Variants in FREM3 observed in about 807,000 individuals in gnomAD.
FREM3 encodes FRAS1-related extracellular matrix protein 3.
A neutral mutation model predicts 129.1 loss-of-function variants in FREM3; 105 were observed. That is an observed-to-expected ratio of 0.81 (90% CI 0.69 to 0.96). The LOEUF is 0.96. Among genes scored for constraint, FREM3 ranks in the 40% least tolerant of loss-of-function variants. The pLI, the probability that FREM3 is intolerant of heterozygous loss-of-function variation, is 0.00. For missense variants in FREM3, 2,593 were observed against 2,666.3 expected (o/e 0.97, Z 0.61); for synonymous variants, 1,014 against 1,044.9 (o/e 0.97, Z 0.57).
intron 2 of FREM3, among the ~76,000 whole-genome samples, chr4:143,636,750 A>C (rs1194832984): frequency 6.6e-6 from 1 of 152,118 alleles, no homozygotes; most frequent in African/African-American, 2.4e-5. Context: ...ATAAACACAA[A>C]AATAAAAACA....
chr4:143,629,994 G>A (rs972538603), intron 2 of FREM3, among the ~76,000 whole-genome samples: 3 of 152,166 alleles, frequency 2.0e-5, no homozygotes, highest in East Asian at 3.9e-4. Context: ...TTAACAATTA[G>A]AGACAGATAC....
Position 143,699,704 on chromosome 4 carries a change from G to T in FREM3, c.972C>A (p.Ala324=). The stretch of plus-strand genomic sequence containing the variant: ...CCGCGGCCAGTGCGTCAGGCGTCAG[G>T]GCTGTCAGCACCAGTGGATCCACCT... ...MMEVDPLVLT[A]LTPDALAAED... is the part of the protein sequence containing the mutation. The change falls in exon 1 of 8, where the codon GCC becomes GCA. Residue 324 remains alanine (A), a synonymous_variant. Transcript: ENST00000329798. This position sits in a 1 kb window ranked among gnomAD's most constrained non-coding sequence, Gnocchi z 4.2. The T allele has an allele frequency of 6.6e-7, 1 of 1,521,878 alleles. No homozygotes were observed. Among genetic ancestry groups the T allele is most frequent in the Non-Finnish European group, 8.8e-7 (1 of 1,138,090 alleles). The allele number at this position is 1,521,878 out of a possible 1,614,324, so 94.3% of individuals were successfully genotyped here.
At chr4:143,685,700 C>G (rs1417146771) in intron 2 of FREM3, among the ~76,000 whole-genome samples, 1 of 152,202 alleles carries the variant, frequency 6.6e-6, no homozygotes, top group East Asian at 1.9e-4. Context: ...TGTCAATGAT[C>G]TAAATGCTCC....
At chr4:143,615,718 C>A (rs11935761) in intron 5 of FREM3, among the ~76,000 whole-genome samples, 6,045 of 133,958 alleles carry the variant, frequency 0.045, 327 homozygotes, top group African/African-American at 0.18. Context: ...AAAAAAAAAA[C>A]AAAAACCCAA....
chr4:143,582,001 C>T lies in FREM3; in HGVS notation c.6178+3843G>A, dbSNP rs561451298. Among the ~76,000 whole-genome samples the T allele has an allele frequency of 5.9e-5, 9 of 152,224 alleles. No homozygotes were observed. The South Asian group carries it at 1.9e-3, about 32-fold the overall frequency. On this transcript the variant is annotated intron_variant, in intron 7 of 7. Transcript: ENST00000329798. ...CCTCCCTGTGAGCTTCCTGCACTCCCTGCCCATCACCAGGCAGGCCCTCCC... is the reference window on the plus strand; with the variant it reads ...CCTCCCTGTGAGCTTCCTGCACTCCTTGCCCATCACCAGGCAGGCCCTCCC...
intron 2 of FREM3, among the ~76,000 whole-genome samples, chr4:143,680,292 CTATA>C: frequency 6.6e-6 from 1 of 150,902 alleles, no homozygotes; most frequent in Non-Finnish European, 1.5e-5. Flanking sequence ...GCATATCTAT[CTATA>C]TATATCACAA....
Position 143,585,767 on chromosome 4 carries a change from T to C in FREM3, c.6178+77A>G, listed in dbSNP as rs1578821007. The C allele has an allele frequency of 1.4e-6, 2 of 1,415,324 alleles. No homozygotes were observed. The highest frequency in any genetic ancestry group is 2.5e-5 in the East Asian group (1 of 40,078). 87.7% of individuals were successfully genotyped at this position (1,415,324 alleles called of 1,614,324 possible). The stretch of plus-strand genomic sequence containing the variant: ...AGAGTCCATCAACAAAGACTAAGCA[T>C]GCTTACACTTAACAGACTAGACTCC... On this transcript the variant is annotated intron_variant, in intron 7 of 7. Transcript: ENST00000329798. This position sits in a 1 kb window ranked among gnomAD's most constrained non-coding sequence, Gnocchi z 4.2.
At chr4:143,643,530 G>T (rs959423279) in intron 2 of FREM3, among the ~76,000 whole-genome samples, 1 of 152,068 alleles carries the variant, frequency 6.6e-6, no homozygotes, top group African/African-American at 2.4e-5. Flanking sequence ...GAACCTGGGA[G>T]ACTTCATGTT....
intron 6 of FREM3, among the ~76,000 whole-genome samples, chr4:143,594,348 T>C (rs1405094058): frequency 6.6e-6 from 1 of 152,162 alleles, no homozygotes; most frequent in African/African-American, 2.4e-5. Context: ...CTGGAGCTGT[T>C]CCTATTTGGC....
chr4:143,619,292 A>G (rs1272905724), intron 5 of FREM3, among the ~76,000 whole-genome samples: 1 of 152,124 alleles, frequency 6.6e-6, no homozygotes, highest in East Asian at 1.9e-4. Context: ...ACCTTTCCCC[A>G]TGCTTTAGAA....
At chr4:143,663,200 A>T (rs1211359711) in intron 2 of FREM3, among the ~76,000 whole-genome samples, 1 of 152,046 alleles carries the variant, frequency 6.6e-6, no homozygotes, top group Non-Finnish European at 1.5e-5. Flanking sequence ...ACATTTTGGC[A>T]TGATTTTGCA....
chr4:143,592,430 G>A (rs962569385), intron 6 of FREM3, among the ~76,000 whole-genome samples: 2 of 152,194 alleles, frequency 1.3e-5, no homozygotes, highest in African/African-American at 4.8e-5. Flanking sequence ...TTTTAGGACA[G>A]GCCTCGTGGT....
At chr4:143,646,742 G>A (rs1000228821) in intron 2 of FREM3, among the ~76,000 whole-genome samples, 5 of 152,240 alleles carry the variant, frequency 3.3e-5, no homozygotes, top group Non-Finnish European at 5.9e-5. Flanking sequence ...GTTCTTCATC[G>A]AAGCATGAGA....
At chr4:143,586,028 T>G in intron 6 of FREM3, 35 bp from the exon 7 acceptor site, 5 of 1,535,290 alleles carry the variant, frequency 3.3e-6, no homozygotes, top group Non-Finnish European at 3.5e-6. Context: ...TAAGAATGCT[T>G]CAGCCTGCCT....
At chr4:143,578,823 A>G (rs1560831514) in intron 7 of FREM3, among the ~76,000 whole-genome samples, 1 of 152,218 alleles carries the variant, frequency 6.6e-6, no homozygotes, top group Non-Finnish European at 1.5e-5. Flanking sequence ...TAGGTTGAAG[A>G]AAACAAAAGC....
At chr4:143,669,271 T>G (rs551733335) in intron 2 of FREM3, among the ~76,000 whole-genome samples, 5 of 152,160 alleles carry the variant, frequency 3.3e-5, no homozygotes, top group African/African-American at 9.7e-5. Context: ...CATAACTCTA[T>G]TCTTAGCTGT....
intron 2 of FREM3, among the ~76,000 whole-genome samples, chr4:143,668,322 A>G (rs1739901649): frequency 1.3e-5 from 2 of 152,214 alleles, no homozygotes; most frequent in Admixed American, 1.3e-4. Context: ...TGGAACCTCA[A>G]TGGCATCACT....
chr4:143,663,837 A>G (rs930884020), intron 2 of FREM3, among the ~76,000 whole-genome samples: 3 of 151,562 alleles, frequency 2.0e-5, no homozygotes, highest in Non-Finnish European at 2.9e-5. Context: ...CATTCATTTC[A>G]TCTTCCATCA....
At chr4:143,689,167 A>G (rs759528936) in intron 2 of FREM3, among the ~76,000 whole-genome samples, 1 of 152,194 alleles carries the variant, frequency 6.6e-6, no homozygotes, top group Non-Finnish European at 1.5e-5. Flanking sequence ...GACGAACTCA[A>G]ACAAATCAGT....
Sources: allele counts gnomAD v4.1 joint callset (sites outside exome capture counted in the v4.1 genomes callset), GRCh38; gene constraint gnomAD v4.1.1; non-coding constraint Gnocchi (gnomAD v3.1); transcripts MANE v1.5; gene names NCBI Gene and HGNC (gene_info 2026-07-23, HGNC 2026-07-21).